Variants in PLEKHG4B observed in about 807,000 individuals in gnomAD.
The protein encoded by PLEKHG4B is pleckstrin homology and RhoGEF domain containing G4B.
PLEKHG4B carries 111 observed loss-of-function variants against 121.3 expected under a neutral mutation model. The observed-to-expected ratio is 0.92, with a 90% confidence interval of 0.78 to 1.07. PLEKHG4B has a LOEUF of 1.07. Among genes scored for constraint, PLEKHG4B ranks in the 50% least tolerant of loss-of-function variants. PLEKHG4B has a pLI of 0.00. For synonymous variants in PLEKHG4B, 738 were observed against 725.0 expected (o/e 1.02, Z -0.29); for missense variants, 1,831 against 1,757.8 (o/e 1.04, Z -0.74).
Position 156,817 on chromosome 5 carries a change from A to G in PLEKHG4B, c.2393A>G (p.Glu798Gly). The G allele has an allele frequency of 6.3e-7, 1 of 1,586,044 alleles. No individual in the cohort carries two copies. The change falls in exon 11 of 20, where the codon GAG (glutamate) becomes GGG (glycine). Residue 798 changes from glutamate (E) to glycine (G), a missense_variant. Coordinates refer to ENST00000637938, the MANE Select transcript of PLEKHG4B (RefSeq NM_052909.5). This position sits in a 1 kb window ranked among gnomAD's most constrained non-coding sequence, Gnocchi z 4.4. ...AATSLYDRVD[E>G]EVHRLVLTSN... ...ACAAGCCTGTACGACCGAGTGGATG[A>G]GGAGGTGCACAGGCTGGTCCTCACC... is the stretch of plus-strand genomic sequence containing the variant.
Position 169,393 on chromosome 5 carries a change from T to C in PLEKHG4B, c.3530T>C (p.Ile1177Thr). The C allele has an allele frequency of 6.2e-7, 1 of 1,614,104 alleles. No individual in the cohort carries two copies. Among genetic ancestry groups the C allele is most frequent in the Non-Finnish European group, 8.5e-7 (1 of 1,180,034 alleles). ...ATGATCGCCACAGAGAGGGAGTACA[T>C]TCGGTGCTTAGGATACGTCATTGAC... ...AEMIATEREY[I>T]RCLGYVIDNY... The change falls in exon 14 of 20, where the codon ATT becomes ACT. Residue 1177 changes from isoleucine to threonine, a missense_variant. Physicochemically the swap from Ile to Thr is moderately conservative, Grantham distance 89 (BLOSUM62 -1). Transcript: ENST00000637938.
chr5:171,323 C>T lies in PLEKHG4B; in HGVS notation c.3929C>T (p.Ala1310Val), dbSNP rs1736543585. Residue 1310 changes from alanine (A) to valine (V), a missense_variant, in exon 16 of 20, where the codon GCC (alanine) becomes GTC (valine). Coordinates refer to ENST00000637938, the MANE Select transcript of PLEKHG4B (RefSeq NM_052909.5). ...CTACTCCAGGACCTGCTCAAGGAGGCCAGCTGTGGCCTGGCCCAGGGGCAG... is the reference window on the plus strand; with the variant it reads ...CTACTCCAGGACCTGCTCAAGGAGGTCAGCTGTGGCCTGGCCCAGGGGCAG... ...ALLLQDLLKE[A>V]SCGLAQGQEL... 6.8e-6 allele frequency: 11 copies of T among 1,612,388 alleles called. No individual in the cohort carries two copies. The highest frequency in any genetic ancestry group is 9.3e-6 in the Non-Finnish European group (11 of 1,179,648).
At chr5:172,603 G>T (rs531880035) in intron 16 of PLEKHG4B, among the ~76,000 whole-genome samples, 2 of 152,340 alleles carry the variant, frequency 1.3e-5, no homozygotes, top group East Asian at 3.9e-4. Context: ...GGTGTGGGAC[G>T]CTCACCCCCT....
Position 164,533 on chromosome 5 carries a change from A to T in PLEKHG4B, c.3476+985A>T, listed in dbSNP as rs1218952001. On this transcript the variant is annotated intron_variant, in intron 13 of 19. Coordinates refer to ENST00000637938, the MANE Select transcript of PLEKHG4B (RefSeq NM_052909.5). ...GGAGCTCACACAGTAATGCTGTGAC[A>T]GGGGGCGGAGCTCACACAGTAATGC... Among the ~76,000 whole-genome samples, 2 of 21,300 alleles carry T rather than the reference A, an allele frequency of 9.4e-5. 1 individual carries two copies. The highest frequency in any genetic ancestry group is 3.2e-4 in the African/African-American group (2 of 6,324). 14.0% of individuals were successfully genotyped at this position (21,300 alleles called of 152,430 possible). A position where few individuals can be genotyped will look rare whatever the true frequency, so the allele number is the denominator to read the frequency against.
Position 171,325 on chromosome 5 carries a change from A to G in PLEKHG4B, c.3931A>G (p.Ser1311Gly). Residue 1311 changes from serine (S) to glycine (G), a missense_variant, in exon 16 of 20, where the codon AGC (serine) becomes GGC (glycine). Physicochemically the swap from Ser to Gly is moderately conservative, Grantham distance 56. Coordinates refer to ENST00000637938, the MANE Select transcript of PLEKHG4B (RefSeq NM_052909.5). ...ACTCCAGGACCTGCTCAAGGAGGCC[A>G]GCTGTGGCCTGGCCCAGGGGCAGGA... ...LLLQDLLKEA[S>G]CGLAQGQELG... 1 of 1,612,574 alleles carries G rather than the reference A, an allele frequency of 6.2e-7. No homozygotes were observed. Among genetic ancestry groups the G allele is most frequent in the African/African-American group, 1.3e-5 (1 of 75,062 alleles).
intron 6 of PLEKHG4B, among the ~76,000 whole-genome samples, chr5:148,535 T>G (rs1050612322): frequency 2.0e-5 from 3 of 151,986 alleles, no homozygotes; most frequent in African/African-American, 7.3e-5. Flanking sequence ...AGTGAAAGAC[T>G]TTTTCACTGA....
chr5:93,269 T>G (rs1733526389), intron 1 of PLEKHG4B, among the ~76,000 whole-genome samples: 1 of 152,186 alleles, frequency 6.6e-6, no homozygotes, highest in Non-Finnish European at 1.5e-5. Flanking sequence ...CCGAAGAGAT[T>G]TAATGTAAAT....
chr5:145,101 G>A (rs1215796660), intron 6 of PLEKHG4B, among the ~76,000 whole-genome samples, 181 bp downstream of exon 6: 2 of 152,226 alleles, frequency 1.3e-5, no homozygotes. Context: ...TCCAGCTCTT[G>A]CTCTCTGGGG....
At chr5:127,340 T>TTTTTTTTTATTA (rs146821461) in intron 2 of PLEKHG4B, among the ~76,000 whole-genome samples, 3 of 135,566 alleles carry the variant, frequency 2.2e-5, no homozygotes, top group African/African-American at 8.2e-5. Flanking sequence ...ATTGTTGGTT[T>TTTTTTTTTATTA]TTATTATTAT....
chr5:181,521 A>G lies in PLEKHG4B; in HGVS notation c.4410A>G (p.Arg1470=). The G allele has an allele frequency of 6.2e-7, 1 of 1,613,796 alleles. No individual in the cohort carries two copies. The highest frequency in any genetic ancestry group is 8.5e-7 in the Non-Finnish European group (1 of 1,179,858). The change falls in exon 19 of 20, where the codon AGA becomes AGG. Residue 1470 remains arginine (R), a synonymous_variant. Coordinates refer to ENST00000637938, the MANE Select transcript of PLEKHG4B (RefSeq NM_052909.5). The part of the protein sequence containing the change: ...WRQALKSREL[R]IQEMASMGIG... ...TACTTTCTTCTGTCTTAGAACTCAGAATCCAAGAAATGGCATCCATGGGTA... is the reference window on the plus strand; with the variant it reads ...TACTTTCTTCTGTCTTAGAACTCAGGATCCAAGAAATGGCATCCATGGGTA...
Position 140,727 on chromosome 5 carries a change from C to A in PLEKHG4B, c.1477+11C>A. Reference sequence around the variant, plus strand: ...GCACCAAAGAGGAAGGTAAATGCTCCCCACGCCCTCCCCTGCGCACCCCCA... The same window carrying A: ...GCACCAAAGAGGAAGGTAAATGCTCACCACGCCCTCCCCTGCGCACCCCCA... On this transcript the variant is annotated intron_variant, in intron 3 of 19. Coordinates refer to ENST00000637938, the MANE Select transcript of PLEKHG4B (RefSeq NM_052909.5). The A allele has an allele frequency of 6.5e-7, 1 of 1,541,720 alleles. No individual in the cohort carries two copies. The highest frequency in any genetic ancestry group is 8.7e-7 in the Non-Finnish European group (1 of 1,145,170).
At chr5:119,240 G>C (rs2126365767) in intron 2 of PLEKHG4B, among the ~76,000 whole-genome samples, 1 of 152,158 alleles carries the variant, frequency 6.6e-6, no homozygotes, top group East Asian at 1.9e-4. Flanking sequence ...TATATCTAAA[G>C]GCCACAGTGC....
chr5:108,999 T>A (rs999429432), intron 1 of PLEKHG4B, among the ~76,000 whole-genome samples: 5 of 152,116 alleles, frequency 3.3e-5, no homozygotes, highest in Non-Finnish European at 7.4e-5. Context: ...CCTGGGGGTG[T>A]GGGTTTCACA....
chr5:99,199 T>C (rs1292421746), intron 1 of PLEKHG4B, among the ~76,000 whole-genome samples: 2 of 130,814 alleles, frequency 1.5e-5, no homozygotes, highest in Non-Finnish European at 3.2e-5. Context: ...TATATATATA[T>C]ATATATATAT....
At chr5:171,495 T>A (rs1026775148) in intron 16 of PLEKHG4B, 51 bp downstream of exon 16, 1 of 1,481,602 alleles carries the variant, frequency 6.7e-7, no homozygotes, top group Admixed American at 1.9e-5. Context: ...AATTTGAGGC[T>A]GCTGGTGAGA....
At position 139,254 on chromosome 5, in the gene PLEKHG4B, G is replaced by C. The variant is rs146833844; in HGVS notation, c.244-229G>C. The stretch of plus-strand genomic sequence containing the variant: ...CACCTACCCCCAGCCTCCAGGAAGA[G>C]CTATACAATTGCTTTTTTAACTGAC... On this transcript the variant is annotated intron_variant, in intron 2 of 19. Transcript: ENST00000637938. This position sits in a 1 kb window ranked among gnomAD's most constrained non-coding sequence, Gnocchi z 5.0. Among the ~76,000 whole-genome samples, 351 of 152,350 alleles carry C rather than the reference G, an allele frequency of 2.3e-3. No individual in the cohort carries two copies. Among genetic ancestry groups the C allele is most frequent in the Non-Finnish European group, 3.8e-3 (258 of 68,026 alleles).
intron 1 of PLEKHG4B, among the ~76,000 whole-genome samples, chr5:98,389 A>G (rs1202748578): frequency 8.2e-6 from 1 of 121,682 alleles, no homozygotes; most frequent in African/African-American, 3.0e-5. Flanking sequence ...CTCAATGTCA[A>G]TTCTTCTTTT....
rs147897190 is a variant in PLEKHG4B at position 182,154 on chromosome 5, C to T, written c.4715C>T (p.Ser1572Phe). ...GGGTCGCTGGGCCTGCTTGTGTCCT[C>T]CAGCCCAGCCCACCCGGGCCTATGG... ...ILGSLGLLVS[S>F]SPAHPGLWSP... is the part of the protein sequence containing the mutation. The change falls in exon 20 of 20, where the codon TCC (serine) becomes TTC (phenylalanine). Residue 1572 changes from serine (S) to phenylalanine (F), a missense_variant. Coordinates refer to ENST00000637938, the MANE Select transcript of PLEKHG4B (RefSeq NM_052909.5). 6.2e-6 allele frequency: 10 copies of T among 1,613,890 alleles called. No individual in the cohort carries two copies. The African/African-American group carries it at 1.3e-4, about 22-fold the overall frequency.
chr5:141,732 T>TTTTTTGG (rs1735212250), intron 3 of PLEKHG4B, among the ~76,000 whole-genome samples: 1 of 148,616 alleles, frequency 6.7e-6, no homozygotes, highest in African/African-American at 2.5e-5. Flanking sequence ...TTTTTTTTTT[T>TTTTTTGG]GAGTAAAGAA....
Sources: gnomAD v4.1 joint callset for allele counts (sites outside exome capture counted in the v4.1 genomes callset) on GRCh38, gnomAD v4.1.1 for gene constraint, Gnocchi (gnomAD v3.1) non-coding constraint, MANE v1.5 for transcripts, NCBI Gene and HGNC (gene_info 2026-07-23, HGNC 2026-07-21) for gene names.